Variants in MYO18B observed in about 807,000 individuals in gnomAD.
MYO18B encodes the protein unconventional myosin-XVIIIb.
A neutral mutation model predicts 273.0 loss-of-function variants in MYO18B; 204 were observed. The observed-to-expected ratio is 0.75, with a 90% CI of 0.67 to 0.84. MYO18B has a LOEUF of 0.84. MYO18B is among the 40% of genes least tolerant of loss of function. The pLI is 0.00. For synonymous variants in MYO18B, 1,330 were observed against 1,305.7 expected (o/e 1.02, Z -0.40); for missense variants, 3,212 against 3,287.6 (o/e 0.98, Z 0.56).
At chr22:25,893,662 A>G (rs1448846933) in intron 27 of MYO18B, among the ~76,000 whole-genome samples, 2 of 152,164 alleles carry the variant, frequency 1.3e-5, no homozygotes, top group Non-Finnish European at 2.9e-5. Flanking sequence ...AACAAGCTTT[A>G]ACTCTTTATT....
chr22:25,925,129 T>A (rs1047276798), intron 34 of MYO18B, among the ~76,000 whole-genome samples: 1 of 152,186 alleles, frequency 6.6e-6, no homozygotes, highest in Non-Finnish European at 1.5e-5. Context: ...ACTTACTATG[T>A]ACCAGACTTT....
At chr22:25,911,452 C>A (rs114051787) in intron 33 of MYO18B, among the ~76,000 whole-genome samples, 3,174 of 152,314 alleles carry the variant, frequency 0.021, 109 homozygotes, top group African/African-American at 0.071. Flanking sequence ...CCAGAGGGAC[C>A]ACTTCTGTCT....
intron 40 of MYO18B, among the ~76,000 whole-genome samples, chr22:26,002,898 C>T (rs571502351): frequency 6.6e-6 from 1 of 152,270 alleles, no homozygotes; most frequent in Non-Finnish European, 1.5e-5. Context: ...TCACAAAGAA[C>T]ATACAGCTAA....
At chr22:25,743,345 T>C (rs1479778153) in intron 1 of MYO18B, among the ~76,000 whole-genome samples, 1 of 152,162 alleles carries the variant, frequency 6.6e-6, no homozygotes, top group Non-Finnish European at 1.5e-5. Flanking sequence ...CTGACCTAAG[T>C]TGTATTCTCC....
chr22:25,875,865 C>T (rs1473420130), intron 23 of MYO18B, among the ~76,000 whole-genome samples: 1 of 152,142 alleles, frequency 6.6e-6, no homozygotes, highest in Non-Finnish European at 1.5e-5. Flanking sequence ...TAAACCTAAT[C>T]CTCATGTAAG....
chr22:25,992,557 T>C lies in MYO18B; in HGVS notation c.6287+64T>C, dbSNP rs2093281233. 9 of 1,604,086 alleles carry C rather than the reference T, an allele frequency of 5.6e-6. No homozygotes were observed. The Admixed American group carries it at 1.5e-4, about 27-fold the overall frequency. ...GTGGGCGGCATCCTGGGGAGCTCTA[T>C]GCCCTTTAGCCGGGCTGGGGCCACA... On this transcript the variant is annotated intron_variant, in intron 40 of 43. Coordinates refer to ENST00000335473, the MANE Select transcript of MYO18B (RefSeq NM_032608.7).
At chr22:26,047,131 T>G in the MYO18B span, among the ~76,000 whole-genome samples, 1 of 151,258 alleles carries the variant, frequency 6.6e-6, no homozygotes, top group Non-Finnish European at 1.5e-5. Flanking sequence ...GCCCATTTTT[T>G]TTTTTTTTTT....
At chr22:25,849,230 C>T (rs905368291) in intron 20 of MYO18B, among the ~76,000 whole-genome samples, 2 of 152,222 alleles carry the variant, frequency 1.3e-5, no homozygotes, top group African/African-American at 4.8e-5. Flanking sequence ...CCTGTGTTCA[C>T]GTGACCTCAC....
intron 8 of MYO18B, 67 bp from the exon 9 acceptor site, chr22:25,779,989 C>A: frequency 6.7e-7 from 1 of 1,488,474 alleles, no homozygotes; most frequent in Non-Finnish European, 9.0e-7. Flanking sequence ...AAAGGTGGAC[C>A]TGTGTGAGGT....
At chr22:25,880,384 C>A (rs1431098665) in intron 25 of MYO18B, among the ~76,000 whole-genome samples, 1 of 152,024 alleles carries the variant, frequency 6.6e-6, no homozygotes, top group Non-Finnish European at 1.5e-5. Flanking sequence ...TTGATATTTT[C>A]TTTATCGTGG....
the MYO18B span, among the ~76,000 whole-genome samples, chr22:26,056,125 G>A: frequency 6.6e-6 from 1 of 152,180 alleles, no homozygotes. Flanking sequence ...GAAGTTTTAA[G>A]TTCTGTCCTC....
chr22:26,007,592 A>G (rs1167230217), intron 42 of MYO18B, among the ~76,000 whole-genome samples: 3 of 152,220 alleles, frequency 2.0e-5, no homozygotes, highest in African/African-American at 7.2e-5. Flanking sequence ...AGATCCTACG[A>G]CATTAAGCCC....
chr22:25,784,911 G>A (rs1275425310), intron 10 of MYO18B, among the ~76,000 whole-genome samples: 1 of 152,190 alleles, frequency 6.6e-6, no homozygotes, highest in South Asian at 2.1e-4. Context: ...CGCGGAGTCT[G>A]GGCTCGAGGG....
chr22:25,763,416 G>A (rs916317842), intron 3 of MYO18B, 27 bp downstream of exon 3: 21 of 1,593,860 alleles, frequency 1.3e-5, no homozygotes, highest in African/African-American at 6.8e-5. Flanking sequence ...AAGGAGGACC[G>A]TATGCGTTTC....
At chr22:26,050,916 TG>T in the MYO18B span, among the ~76,000 whole-genome samples, 3 of 152,292 alleles carry the variant, frequency 2.0e-5, no homozygotes, top group African/African-American at 7.2e-5. Context: ...GAAAAATTGC[TG>T]GAAAGAGTTA....
chr22:25,873,089 C>G (rs1601421654), intron 22 of MYO18B, among the ~76,000 whole-genome samples: 1 of 152,176 alleles, frequency 6.6e-6, no homozygotes, highest in East Asian at 1.9e-4. Flanking sequence ...GGCCCAGAAG[C>G]TTCAGGTTCT....
the MYO18B span, among the ~76,000 whole-genome samples, chr22:26,047,816 A>G: frequency 6.6e-6 from 1 of 152,200 alleles, no homozygotes; most frequent in African/African-American, 2.4e-5. Context: ...TGTTAAACCT[A>G]TTCTGGCTTG....
At chr22:25,990,181 C>G (rs554153921) in intron 39 of MYO18B, among the ~76,000 whole-genome samples, 1 of 152,120 alleles carries the variant, frequency 6.6e-6, no homozygotes, top group Non-Finnish European at 1.5e-5. Flanking sequence ...CACAGACTTA[C>G]AATAATGTGA....
intron 34 of MYO18B, among the ~76,000 whole-genome samples, chr22:25,926,540 C>G (rs2092423945): frequency 6.6e-6 from 1 of 152,146 alleles, no homozygotes; most frequent in Admixed American, 6.5e-5. Flanking sequence ...AGTGATCCAC[C>G]CACCTCAGCC....
Sources: gnomAD v4.1 joint callset for allele counts (sites outside exome capture counted in the v4.1 genomes callset) on GRCh38, gnomAD v4.1.1 for gene constraint, MANE v1.5 for transcripts, NCBI Gene and HGNC (gene_info 2026-07-23, HGNC 2026-07-21) for gene names.